Variants in PLCB1 observed in about 807,000 individuals in gnomAD.
The protein encoded by PLCB1 is 1-phosphatidylinositol 4,5-bisphosphate phosphodiesterase beta-1.
In PLCB1, 46 loss-of-function variants were observed where a neutral mutation model predicts 161.8. The observed-to-expected ratio is 0.28, with a 90% CI of 0.22 to 0.36. The LOEUF (loss-of-function observed/expected upper bound fraction) is 0.36. PLCB1 is among the 10% of genes least tolerant of loss of function. PLCB1 has a pLI of 1.00. For synonymous variants in PLCB1, 517 were observed against 503.7 expected (o/e 1.03, Z -0.35); for missense variants, 1,016 against 1,472.5 (o/e 0.69, Z 5.07).
chr20:8,293,815 G>A (rs966191549), intron 2 of PLCB1, among the ~76,000 whole-genome samples: 1 of 152,156 alleles, frequency 6.6e-6, no homozygotes, highest in Non-Finnish European at 1.5e-5. Flanking sequence ...CAGTGAAAGG[G>A]ATAGCAGAGT....
intron 3 of PLCB1, among the ~76,000 whole-genome samples, chr20:8,417,026 TACAC>T (rs5840263): frequency 0.16 from 10,374 of 66,250 alleles, 1,314 homozygotes; most frequent in Middle Eastern, 0.23. Context: ...TATATGTGTA[TACAC>T]ACACACACAC....
chr20:8,727,075 A>G (rs773592393), intron 16 of PLCB1, among the ~76,000 whole-genome samples: 16 of 152,114 alleles, frequency 1.1e-4, no homozygotes, highest in African/African-American at 3.1e-4. Flanking sequence ...TTACAAAAGC[A>G]TAAGTAGCTC....
rs141723040 is a variant in PLCB1, at chr20:8,210,098, T to C, written c.177+59727T>C. 9.5e-3 allele frequency among the ~76,000 whole-genome samples: 1,445 copies of C among 152,286 alleles called. 27 individuals are homozygous for C. Among genetic ancestry groups the C allele is most frequent in the African/African-American group, 0.033 (1,359 of 41,568 alleles). ...GCCACCGAGCCCAACTTTATAAATATTTTTAATGTGAAAAGTGTAACTTTA... is the reference window on the plus strand; with the variant it reads ...GCCACCGAGCCCAACTTTATAAATACTTTTAATGTGAAAAGTGTAACTTTA... On this transcript the variant is annotated intron_variant, in intron 2 of 31. Transcript: ENST00000338037.
At chr20:8,740,126 A>G (rs1980795156) in intron 21 of PLCB1, among the ~76,000 whole-genome samples, 1 of 152,188 alleles carries the variant, frequency 6.6e-6, no homozygotes, top group South Asian at 2.1e-4. Flanking sequence ...TTGTGGGAAA[A>G]ATCATACGGT....
intron 31 of PLCB1, among the ~76,000 whole-genome samples, chr20:8,827,731 C>T (rs1985776821): frequency 6.6e-6 from 1 of 152,182 alleles, no homozygotes; most frequent in East Asian, 1.9e-4. Context: ...TCTGTTTGCA[C>T]AGCCAGTGCA....
At chr20:8,749,964 T>TA (rs1464847286) in intron 23 of PLCB1, among the ~76,000 whole-genome samples, 1 of 152,130 alleles carries the variant, frequency 6.6e-6, no homozygotes, top group African/African-American at 2.4e-5. Flanking sequence ...TATTTTTTTT[T>TA]TAAAAAAACC....
intron 3 of PLCB1, among the ~76,000 whole-genome samples, chr20:8,376,449 C>T (rs1451655278): frequency 1.3e-5 from 2 of 152,108 alleles, no homozygotes; most frequent in Non-Finnish European, 2.9e-5. Flanking sequence ...TTTTTTACTT[C>T]ATTCTTTATT....
At chr20:8,621,169 G>A (rs1457277992) in intron 3 of PLCB1, among the ~76,000 whole-genome samples, 1 of 152,162 alleles carries the variant, frequency 6.6e-6, no homozygotes, top group East Asian at 1.9e-4. Flanking sequence ...TGCTTTTCAT[G>A]CTTTGTCGGG....
chr20:8,820,079 T>G (rs1408739145), intron 31 of PLCB1, among the ~76,000 whole-genome samples: 1 of 148,848 alleles, frequency 6.7e-6, no homozygotes, highest in East Asian at 1.9e-4. Flanking sequence ...ACTGTATTGG[T>G]TATAATTTGT....
intron 3 of PLCB1, among the ~76,000 whole-genome samples, chr20:8,611,056 T>G (rs2123170927): frequency 6.6e-6 from 1 of 152,092 alleles, no homozygotes; most frequent in South Asian, 2.1e-4. Flanking sequence ...AAAATCAACC[T>G]AGGATTTATA....
At chr20:8,491,016 C>G (rs1982925161) in intron 3 of PLCB1, among the ~76,000 whole-genome samples, 1 of 151,554 alleles carries the variant, frequency 6.6e-6, no homozygotes, top group Admixed American at 6.6e-5. Context: ...CATGTCTTTT[C>G]ATTCTTATAA....
intron 3 of PLCB1, among the ~76,000 whole-genome samples, chr20:8,478,441 G>C (rs988108093): frequency 1.3e-5 from 2 of 152,084 alleles, no homozygotes; most frequent in South Asian, 4.1e-4. Flanking sequence ...AACTTGAGTA[G>C]ATTTAAGATG....
At chr20:8,805,630 A>T (rs905029602) in intron 31 of PLCB1, among the ~76,000 whole-genome samples, 4 of 152,206 alleles carry the variant, frequency 2.6e-5, no homozygotes, top group African/African-American at 9.6e-5. Context: ...AAAGCACATA[A>T]CATGTGTTAT....
chr20:8,756,937 A>C (rs1011726143), intron 23 of PLCB1, 109 bp from the exon 24 acceptor site: 15 of 1,043,004 alleles, frequency 1.4e-5, no homozygotes, highest in Middle Eastern at 2.6e-4. Context: ...TGATATTTCC[A>C]ACTCCAAAAG....
At chr20:8,682,150 T>C (rs1181002992) in intron 9 of PLCB1, among the ~76,000 whole-genome samples, 1 of 152,044 alleles carries the variant, frequency 6.6e-6, no homozygotes, top group Non-Finnish European at 1.5e-5. Flanking sequence ...GGAAAAGAGA[T>C]AGGGGAGAAG....
At position 8,861,114 on chromosome 20, in the gene PLCB1, T is replaced by G. The variant is rs537084603; in HGVS notation, c.3424-20508T>G. On this transcript the variant is annotated intron_variant, in intron 31 of 31. Coordinates refer to ENST00000338037, the MANE Select transcript of PLCB1 (RefSeq NM_015192.4). ...GGAAAACCAAATCACCAGTTTTCTT[T>G]CTGATTATATTTTAATCTAAAAGGC... 8.5e-5 allele frequency among the ~76,000 whole-genome samples: 13 copies of G among 152,334 alleles called. 1 individual carries two copies. Among genetic ancestry groups the G allele is most frequent in the African/African-American group, 2.6e-4 (11 of 41,576 alleles).
chr20:8,687,704 A>G (rs1012470690), intron 10 of PLCB1, among the ~76,000 whole-genome samples: 2 of 152,238 alleles, frequency 1.3e-5, no homozygotes, highest in African/African-American at 4.8e-5. Flanking sequence ...TATCATGTAT[A>G]CATACCACAG....
At chr20:8,621,007 A>G (rs907188757) in intron 3 of PLCB1, among the ~76,000 whole-genome samples, 1 of 152,206 alleles carries the variant, frequency 6.6e-6, no homozygotes, top group Non-Finnish European at 1.5e-5. Context: ...TCATTACAAA[A>G]TAGGAAAACT....
At chr20:8,197,884 C>T (rs2123120052) in intron 2 of PLCB1, among the ~76,000 whole-genome samples, 1 of 152,244 alleles carries the variant, frequency 6.6e-6, no homozygotes, top group African/African-American at 2.4e-5. Context: ...ATATGCCTAG[C>T]CAGTTTTCCC....
Sources: allele counts gnomAD v4.1 joint callset (sites outside exome capture counted in the v4.1 genomes callset), GRCh38; gene constraint gnomAD v4.1.1; transcripts MANE v1.5; gene names NCBI Gene and HGNC (gene_info 2026-07-23, HGNC 2026-07-21).